The following PCID2 variants were observed in gnomAD, a reference collection of about 807,000 sequenced individuals.
The protein encoded by PCID2 is PCI domain containing 2.
A neutral mutation model predicts 61.3 loss-of-function variants in PCID2; 41 were observed. The observed-to-expected ratio is 0.67, with a 90% CI of 0.52 to 0.87. PCID2 has a LOEUF of 0.87. Ranked by LOEUF, PCID2 falls within the 40% of genes least tolerant of loss-of-function variation. The pLI, the probability that PCID2 is intolerant of heterozygous loss-of-function variation, is 0.00. For synonymous variants in PCID2, 187 were observed against 177.8 expected (o/e 1.05, Z -0.41); for missense variants, 392 against 493.4 (o/e 0.79, Z 1.95).
chr13:113,205,772 C>T (rs1200845986), intron 1 of PCID2, among the ~76,000 whole-genome samples: 4 of 152,192 alleles, frequency 2.6e-5, no homozygotes, highest in African/African-American at 9.6e-5. Context: ...CAAATCCATA[C>T]AGACAGAGAG....
At chr13:113,174,073 A>C (rs989879131), downstream of PCID2, among the ~76,000 whole-genome samples, 4 of 138,794 alleles carry the variant, frequency 2.9e-5, no homozygotes, top group Non-Finnish European at 4.6e-5. Context: ...CTAAAAATAC[A>C]AAAAAAAAAA....
In PCID2 at chr13:113,184,494, T is replaced by C; in HGVS notation, c.544-7A>G. ...ATAAATGGAGTTTGTTGATCTATAA[T>C]GAATAACAATCCATTTAAAATATTT... On this transcript the variant is annotated splice_polypyrimidine_tract_variant and splice_region_variant and intron_variant, in intron 8 of 13. Coordinates refer to ENST00000337344, the MANE Select transcript of PCID2 (RefSeq NM_001127202.4). 2.0e-6 allele frequency: 3 copies of C among 1,516,660 alleles called. No homozygotes were observed. The highest frequency in any genetic ancestry group is 2.7e-6 in the Non-Finnish European group (3 of 1,093,302). 94.0% of individuals were successfully genotyped at this position (1,516,660 alleles called of 1,614,324 possible).
the PCID2 span, among the ~76,000 whole-genome samples, chr13:113,167,461 G>C: frequency 1.3e-5 from 2 of 152,198 alleles, no homozygotes; most frequent in African/African-American, 4.8e-5. Flanking sequence ...GCCAGTACCC[G>C]TGCTATGTGG....
chr13:113,171,950 C>T, the PCID2 span: 1 of 1,613,658 alleles, frequency 6.2e-7, no homozygotes, highest in Non-Finnish European at 8.5e-7. The surrounding 1 kb of genome is among the most constrained non-coding windows in gnomAD (Gnocchi z 5.1). Context: ...GGCGGCCATG[C>T]ACTGGATGGA....
At chr13:113,193,497 C>T (rs1170903682) in intron 6 of PCID2, among the ~76,000 whole-genome samples, 2 of 152,150 alleles carry the variant, frequency 1.3e-5, no homozygotes, top group Non-Finnish European at 2.9e-5. Context: ...CTGAACTAGA[C>T]ATCAAAGAGG....
chr13:113,166,023 T>C, the PCID2 span: 1 of 152,284 alleles, frequency 6.6e-6, no homozygotes, highest in Admixed American at 6.5e-5. Flanking sequence ...ATTACGATTT[T>C]TGTTATTATG....
intron 1 of PCID2, among the ~76,000 whole-genome samples, chr13:113,204,203 A>C (rs1595276929): frequency 6.6e-6 from 1 of 152,250 alleles, no homozygotes; most frequent in Admixed American, 6.5e-5. Flanking sequence ...GAGCCTGAGA[A>C]GAGGAGTGTT....
chr13:113,174,695 G>A (rs963163654), downstream of PCID2, among the ~76,000 whole-genome samples: 1 of 152,138 alleles, frequency 6.6e-6, no homozygotes, highest in African/African-American at 2.4e-5. Context: ...TATTGCCCAG[G>A]CTGGTCTCGA....
chr13:113,168,425 C>T, the PCID2 span, among the ~76,000 whole-genome samples: 2 of 152,200 alleles, frequency 1.3e-5, no homozygotes, highest in South Asian at 2.1e-4. Flanking sequence ...TTGCGTCTGG[C>T]GCAGAGCCCC....
In PCID2 at chr13:113,181,222, A is replaced by C. The variant is rs140649108; in HGVS notation, c.694T>G (p.Tyr232Asp). Residue 232 changes from tyrosine to aspartate, a missense_variant, in exon 10 of 14, where the codon TAC becomes GAC. Tyr to Asp is a radical substitution (Grantham distance 160, BLOSUM62 -3). This residue lies in a region of PCID2 where 226 missense variants were observed against 296.5 expected (regional missense o/e 0.76). Coordinates refer to ENST00000337344, the MANE Select transcript of PCID2 (RefSeq NM_001127202.4). ...FDSDFKQAEE[Y>D]LSFAFEHCHR... Reference sequence around the variant, plus strand: ...CAATGCTCAAAGGCAAATGACAGGTACTCCTCAGCTGCAAAGAAGGCAGAG... The same window carrying C: ...CAATGCTCAAAGGCAAATGACAGGTCCTCCTCAGCTGCAAAGAAGGCAGAG... The C allele has an allele frequency of 7.3e-5, 118 of 1,611,078 alleles. No individual in the cohort carries two copies. The highest frequency in any genetic ancestry group is 9.5e-5 in the Non-Finnish European group (112 of 1,177,370).
intron 4 of PCID2, 169 bp downstream of exon 4, chr13:113,197,009 A>G: frequency 6.2e-7 from 1 of 1,600,754 alleles, no homozygotes; most frequent in South Asian, 1.1e-5. Context: ...TCCATGCTAA[A>G]TTTAAGTACC....
At chr13:113,189,474 G>A (rs2038410535) in intron 7 of PCID2, among the ~76,000 whole-genome samples, 2 of 151,924 alleles carry the variant, frequency 1.3e-5, no homozygotes, top group Admixed American at 1.3e-4. Flanking sequence ...TACTCTCTGG[G>A]AACAATAGTT....
intron 13 of PCID2, 33 bp downstream of exon 13, chr13:113,178,933 T>G (rs1480884732): frequency 6.3e-7 from 1 of 1,597,682 alleles, no homozygotes; most frequent in South Asian, 1.1e-5. Flanking sequence ...TTGCTGTGAG[T>G]AGCTGCTTAA....
At chr13:113,206,811 T>C (rs2039879988) in intron 1 of PCID2, among the ~76,000 whole-genome samples, 1 of 152,238 alleles carries the variant, frequency 6.6e-6, no homozygotes, top group Admixed American at 6.5e-5. Context: ...TTTGCGGAGA[T>C]GTAGGCATGC....
the PCID2 span, among the ~76,000 whole-genome samples, chr13:113,169,629 G>A: frequency 6.6e-6 from 1 of 152,170 alleles, no homozygotes; most frequent in Non-Finnish European, 1.5e-5. Flanking sequence ...CCAGGGCAGC[G>A]CTCAAGTCTA....
At position 113,177,804 on chromosome 13, in the gene PCID2, T is replaced by C. The variant is rs1283035714; in HGVS notation, c.*394A>G. On this transcript the variant is annotated 3_prime_UTR_variant, in exon 14 of 14. Coordinates refer to ENST00000337344, the MANE Select transcript of PCID2 (RefSeq NM_001127202.4). ...ATAAAAATAGATGTATCCTGGAAGA[T>C]ATAATGAAGAACATGCCATGTGTAT... 1 of 156,462 alleles carries C rather than the reference T, an allele frequency of 6.4e-6. No individual in the cohort carries two copies. The highest frequency in any genetic ancestry group is 2.4e-5 in the African/African-American group (1 of 41,480). 9.7% of individuals were successfully genotyped at this position (156,462 alleles called of 1,614,324 possible). A position where few individuals can be genotyped will look rare whatever the true frequency, so the allele number is the denominator to read the frequency against.
intron 4 of PCID2, 58 bp downstream of exon 4, chr13:113,197,120 C>T: frequency 6.2e-7 from 1 of 1,614,150 alleles, no homozygotes; most frequent in South Asian, 1.1e-5. Flanking sequence ...TCTCAAGTCC[C>T]AAGTAATCCA....
Position 113,177,882 on chromosome 13 carries a change from C to T in PCID2, c.*316G>A, listed in dbSNP as rs2037251892. 1 of 200,936 alleles carries T rather than the reference C, an allele frequency of 5.0e-6. No individual in the cohort carries two copies. Among genetic ancestry groups the T allele is most frequent in the African/African-American group, 2.3e-5 (1 of 43,192 alleles). The allele number at this position is 200,936 out of a possible 1,614,324, so 12.4% of individuals were successfully genotyped here. A position where few individuals can be genotyped will look rare whatever the true frequency, so the allele number is the denominator to read the frequency against. ...GAACTACAAAAAGTTACAAAGACAG[C>T]CTTCAGGAACCACACTTAGGAAAAG... On this transcript the variant is annotated 3_prime_UTR_variant, in exon 14 of 14. Transcript: ENST00000337344.
downstream of PCID2, among the ~76,000 whole-genome samples, chr13:113,176,552 A>ACAGAACTGT (rs2037193698): frequency 2.0e-5 from 3 of 152,268 alleles, no homozygotes; most frequent in East Asian, 1.9e-4. Flanking sequence ...GCTTTAGCCC[A>ACAGAACTGT]GGCGTTCCAG....
Sources: allele counts gnomAD v4.1 joint callset (sites outside exome capture counted in the v4.1 genomes callset), GRCh38; gene constraint gnomAD v4.1.1; regional missense constraint gnomAD v4.1.1; non-coding constraint Gnocchi (gnomAD v3.1); transcripts MANE v1.5; gene names NCBI Gene and HGNC (gene_info 2026-07-23, HGNC 2026-07-21).